The following SLC12A7 variants were observed in gnomAD, a reference collection of about 807,000 sequenced individuals.
The protein encoded by SLC12A7 is solute carrier family 12 member 7.
A neutral mutation model predicts 120.6 loss-of-function variants in SLC12A7; 100 were observed. That is an observed-to-expected ratio of 0.83 (90% CI 0.71 to 0.98). The LOEUF (loss-of-function observed/expected upper bound fraction) is 0.98, where lower values mean the gene tolerates loss of function less well. Among genes scored for constraint, SLC12A7 ranks in the 50% least tolerant of loss-of-function variants. The probability of loss-of-function intolerance (pLI) is 0.00; values close to 1 mark genes in which losing one functional copy is unlikely to be tolerated. For missense variants in SLC12A7, 1,373 were observed against 1,548.1 expected, an observed-to-expected ratio of 0.89 and a Z score of 1.90; for synonymous variants, 760 against 678.0, an observed-to-expected ratio of 1.12 and a Z score of -1.88.
chr5:1,075,695 C>T (rs962012475), intron 14 of SLC12A7, among the ~76,000 whole-genome samples: 3 of 152,206 alleles, frequency 2.0e-5, no homozygotes, highest in Non-Finnish European at 4.4e-5. Flanking sequence ...AGCTGTCACT[C>T]CAAAACCCAG....
Position 1,083,871 on chromosome 5 carries a change from T to A in SLC12A7, c.1003A>T (p.Thr335Ser). ...CAGAAGAGGCCCCAGAGCGCGGAGG[T>A]GGCTGAGTTGTTGTGGATGCCGTAG... ...KAYGIHNNSA[T>S]SALWGLFCNG... The change falls in exon 8 of 24, where the codon ACC becomes TCC. Residue 335 changes from threonine to serine, a missense_variant. Transcript: ENST00000264930. The A allele has an allele frequency of 2.5e-6, 4 of 1,607,468 alleles. No individual in the cohort carries two copies. Among genetic ancestry groups the A allele is most frequent in the Non-Finnish European group, 3.4e-6 (4 of 1,177,144 alleles).
intron 21 of SLC12A7, among the ~76,000 whole-genome samples, chr5:1,058,715 G>A (rs1735880475): frequency 6.6e-6 from 1 of 152,252 alleles, no homozygotes; most frequent in Admixed American, 6.5e-5. Context: ...GTGGGCCCCA[G>A]GCCTCTACTC....
At chr5:1,103,430 C>T (rs938204517) in intron 1 of SLC12A7, among the ~76,000 whole-genome samples, 13 of 151,962 alleles carry the variant, frequency 8.6e-5, no homozygotes, top group African/African-American at 3.1e-4. Context: ...AAAATATACA[C>T]TCACATGCAC....
intron 1 of SLC12A7, among the ~76,000 whole-genome samples, chr5:1,096,044 C>T (rs907352885): frequency 2.6e-5 from 4 of 152,232 alleles, no homozygotes; most frequent in Admixed American, 2.0e-4. Flanking sequence ...CGCACAACCT[C>T]AGACTTCTTT....
chr5:1,053,287 C>G, intron 23 of SLC12A7, 62 bp downstream of exon 23: 1 of 1,570,934 alleles, frequency 6.4e-7, no homozygotes. Flanking sequence ...AAACCCAGGT[C>G]TTAGCGAGAA....
chr5:1,080,143 G>A (rs912663410), intron 9 of SLC12A7, among the ~76,000 whole-genome samples: 7 of 151,442 alleles, frequency 4.6e-5, no homozygotes, highest in Non-Finnish European at 1.0e-4. Context: ...GAGCCACGCA[G>A]AGGCTCTGCC....
chr5:1,074,999 G>A (rs1162727028), intron 15 of SLC12A7, among the ~76,000 whole-genome samples: 2 of 152,154 alleles, frequency 1.3e-5, no homozygotes, highest in Admixed American at 1.3e-4. Flanking sequence ...GGTGGAGGGA[G>A]GGTGGGTGCT....
chr5:1,132,972 G>A, the SLC12A7 span, among the ~76,000 whole-genome samples: 2 of 152,186 alleles, frequency 1.3e-5, no homozygotes, highest in Non-Finnish European at 2.9e-5. Context: ...GTGCAGGGGC[G>A]TGATCTTGGA....
At chr5:1,154,401 A>C in the SLC12A7 span, among the ~76,000 whole-genome samples, 1 of 151,968 alleles carries the variant, frequency 6.6e-6, no homozygotes, top group Non-Finnish European at 1.5e-5. Flanking sequence ...AGAGACACAT[A>C]CAATGCACCA....
At chr5:1,143,639 G>A in the SLC12A7 span, among the ~76,000 whole-genome samples, 435 of 152,284 alleles carry the variant, frequency 2.9e-3, 1 homozygote, top group Admixed American at 3.7e-3. Context: ...TCCTGCATGC[G>A]CCTCCACTGA....
chr5:1,055,123 C>G (rs1409385659), intron 22 of SLC12A7, among the ~76,000 whole-genome samples: 5 of 152,172 alleles, frequency 3.3e-5, no homozygotes, highest in African/African-American at 1.2e-4. Flanking sequence ...GACACGCACA[C>G]TAATGTGTAT....
chr5:1,124,291 A>C, the SLC12A7 span, among the ~76,000 whole-genome samples: 1 of 152,244 alleles, frequency 6.6e-6, no homozygotes, highest in Admixed American at 6.5e-5. Context: ...TCGAGGAGAA[A>C]AGGAATGCAC....
At chr5:1,087,315 G>C (rs978835867) in intron 5 of SLC12A7, among the ~76,000 whole-genome samples, 3 of 152,222 alleles carry the variant, frequency 2.0e-5, no homozygotes, top group Non-Finnish European at 4.4e-5. Context: ...GGCCCCAGCA[G>C]GTCCCAGAAA....
In SLC12A7 at chr5:1,057,611, G is replaced by A. The variant is rs375298951; in HGVS notation, c.2886C>T (p.Thr962=). The change falls in exon 22 of 24, where the codon ACC becomes ACT. Residue 962 remains threonine, a synonymous_variant. Transcript: ENST00000264930. Reference sequence around the variant, plus strand: ...GCGCTTGGGTCCTGGCTGCCGCCGCGGTGTGGGACGCGGTGTTCCTGTCGT... The same window carrying A: ...GCGCTTGGGTCCTGGCTGCCGCCGCAGTGTGGGACGCGGTGTTCCTGTCGT... ...LIHDRNTASH[T]AAAARTQAPP... 3.2e-5 allele frequency: 52 copies of A among 1,606,154 alleles called. No individual in the cohort carries two copies. Among genetic ancestry groups the A allele is most frequent in the East Asian group, 4.5e-5 (2 of 44,886 alleles).
chr5:1,078,642 C>T, intron 11 of SLC12A7, 59 bp downstream of exon 11: 4 of 1,398,042 alleles, frequency 2.9e-6, no homozygotes, highest in South Asian at 2.3e-5. Flanking sequence ...CCGAATTCAT[C>T]CTCAGGAAAA....
rs1561098307 is a variant in SLC12A7, at chr5:1,096,814, A to AGGGAGGG, written c.125-2567_125-2566insCCCTCCC. On this transcript the variant is annotated intron_variant, in intron 1 of 23. Coordinates refer to ENST00000264930, the MANE Select transcript of SLC12A7 (RefSeq NM_006598.3). Reference sequence around the variant, plus strand: ...GAAGGAAGGAGGGAGGGAAGGAAGGAGGGAAGGGAGGGAAGGAAGGAGGGA... The same window carrying AGGGAGGG: ...GAAGGAAGGAGGGAGGGAAGGAAGGAGGGAGGGGGGAAGGGAGGGAAGGAAGGAGGGA... Among the ~76,000 whole-genome samples the AGGGAGGG allele has an allele frequency of 9.3e-4, 36 of 38,684 alleles. 5 individuals carry two copies. The highest frequency in any genetic ancestry group is 1.8e-3 in the Admixed American group (4 of 2,220). The allele number at this position is 38,684 out of a possible 152,430, so 25.4% of individuals were successfully genotyped here. A position where few individuals can be genotyped will look rare whatever the true frequency, so the allele number is the denominator to read the frequency against.
chr5:1,086,304 C>T (rs879452697), intron 6 of SLC12A7, among the ~76,000 whole-genome samples: 1 of 152,132 alleles, frequency 6.6e-6, no homozygotes, highest in Admixed American at 6.5e-5. Flanking sequence ...TCTCTGAAGC[C>T]CTGCAGGGAC....
intron 15 of SLC12A7, 63 bp downstream of exon 15, chr5:1,075,308 A>G (rs1738200438): frequency 8.3e-6 from 13 of 1,570,114 alleles, no homozygotes; most frequent in Non-Finnish European, 1.0e-5. Flanking sequence ...TGCCCCAGGC[A>G]TAGCATGAGA....
At chr5:1,118,145 C>T in the SLC12A7 span, among the ~76,000 whole-genome samples, 1 of 152,340 alleles carries the variant, frequency 6.6e-6, no homozygotes, top group East Asian at 1.9e-4. Context: ...AAACTCCGGT[C>T]TCCCACACAG....
Sources: allele counts gnomAD v4.1 joint callset (sites outside exome capture counted in the v4.1 genomes callset), GRCh38; gene constraint gnomAD v4.1.1; transcripts MANE v1.5; gene names NCBI Gene and HGNC (gene_info 2026-07-23, HGNC 2026-07-21).